The following CLUH variants were observed in gnomAD, a reference collection of about 807,000 sequenced individuals.
CLUH encodes the protein CLUH binding protein of NUMT mRNA.
CLUH carries 77 observed loss-of-function variants against 139.3 expected under a neutral mutation model. That is an observed-to-expected ratio of 0.55 (90% CI 0.46 to 0.67). The LOEUF is 0.67. CLUH is among the 30% of genes least tolerant of loss of function. The pLI is 0.00. For missense variants in CLUH, 1,876 were observed against 1,875.8 expected (o/e 1.00, Z 0.00); for synonymous variants, 999 against 801.6 (o/e 1.25, Z -4.16).
chr17:2,692,226 G>A, intron 22 of CLUH, 129 bp from the exon 23 acceptor site: 3 of 1,439,490 alleles, frequency 2.1e-6, no homozygotes, highest in Admixed American at 2.1e-5. Context: ...CAAGTCCAGG[G>A]CTCAGGGAAG....
Position 2,707,117 on chromosome 17 carries a change from G to A in CLUH, c.101-2553C>T. On this transcript the variant is annotated intron_variant, in intron 1 of 25. Transcript: ENST00000651024. This position sits in a 1 kb window ranked among gnomAD's most constrained non-coding sequence, Gnocchi z 7.4. The stretch of plus-strand genomic sequence containing the variant: ...GAAGGTCTCCCCACCCCTGGATGAA[G>A]GCTGAGCGATCTCCCCCGCAGGCAG... The A allele has an allele frequency of 1.1e-6, 1 of 951,714 alleles. No homozygotes were observed. The highest frequency in any genetic ancestry group is 1.3e-6 in the Non-Finnish European group (1 of 799,172). 59.0% of individuals were successfully genotyped at this position (951,714 alleles called of 1,614,324 possible). A position where few individuals can be genotyped will look rare whatever the true frequency, so the allele number is the denominator to read the frequency against.
chr17:2,709,853 T>A (rs1454012330), intron 1 of CLUH, among the ~76,000 whole-genome samples: 1 of 152,154 alleles, frequency 6.6e-6, no homozygotes, highest in Non-Finnish European at 1.5e-5. Context: ...CTAGCTGTAC[T>A]ACCTTCCCAG....
In CLUH at chr17:2,698,561, G is replaced by C. The variant is rs372695831; in HGVS notation, c.1296C>G (p.Thr432=). 8 of 1,608,576 alleles carry C rather than the reference G, an allele frequency of 5.0e-6. No homozygotes were observed. The East Asian group carries it at 1.8e-4, about 36-fold the overall frequency. ...CGTCAATGACGGCCATGGCGCCCCT[G>C]GTGGCTGCCGCGGTGAAGTCGCTGT... is the stretch of plus-strand genomic sequence containing the variant. ...KVHSDFTAAA[T]RGAMAVIDGN... is the part of the protein sequence containing the mutation. The change falls in exon 10 of 26, where the codon ACC becomes ACG. Residue 432 remains threonine, a synonymous_variant. Coordinates refer to ENST00000651024, the MANE Select transcript of CLUH (RefSeq NM_001366661.1).
chr17:2,696,585 T>C (rs370269687), intron 11 of CLUH, 47 bp from the exon 12 acceptor site: 16 of 1,533,658 alleles, frequency 1.0e-5, no homozygotes, highest in Admixed American at 1.9e-5. Context: ...CTGCCACCGG[T>C]GGAGCTGGGC....
At position 2,701,650 on chromosome 17, in the gene CLUH, G is replaced by A. The variant is rs1040801274; in HGVS notation, c.707C>T (p.Pro236Leu). The change falls in exon 5 of 26, where the codon CCA becomes CTA. Residue 236 changes from proline to leucine, a missense_variant. This residue lies in a region of CLUH where 270 missense variants were observed against 354.7 expected (regional missense o/e 0.76). Transcript: ENST00000651024. ...GTTTTGGGGCTGCAGGGGACACAGT[G>A]GCCGCTCCCGGCTCCCTGGCAGGAT... ...EYILPGSRERPLCPLQPQNRD... is the reference protein window; with the variant it reads ...EYILPGSRERLLCPLQPQNRD... The A allele has an allele frequency of 6.2e-7, 1 of 1,602,920 alleles. No homozygotes were observed. Among genetic ancestry groups the A allele is most frequent in the African/African-American group, 1.3e-5 (1 of 74,860 alleles).
At chr17:2,691,577 C>T (rs746640641) in intron 25 of CLUH, 32 bp downstream of exon 25, 16 of 1,601,800 alleles carry the variant, frequency 1.0e-5, no homozygotes, top group Middle Eastern at 1.7e-4. Flanking sequence ...AACCCCCAAC[C>T]GGGAGACACT....
intron 1 of CLUH, among the ~76,000 whole-genome samples, chr17:2,709,117 G>A (rs1012472475): frequency 3.3e-5 from 5 of 152,154 alleles, no homozygotes; most frequent in African/African-American, 4.8e-5. Flanking sequence ...AAAGGCGGCA[G>A]AGAGGAGGAA....
chr17:2,700,620 A>G, intron 8 of CLUH, 58 bp downstream of exon 8: 1 of 1,519,410 alleles, frequency 6.6e-7, no homozygotes, highest in Non-Finnish European at 8.8e-7. Context: ...GCACGGAACC[A>G]GCCCAGCACC....
intron 14 of CLUH, 38 bp from the exon 15 acceptor site, chr17:2,695,318 C>T (rs201588207): frequency 7.9e-4 from 1,276 of 1,613,482 alleles, no homozygotes; most frequent in Non-Finnish European, 9.8e-4. Flanking sequence ...GTCAGGCCCC[C>T]GGCCTCCATC....
rs12936063 is a variant in CLUH, at chr17:2,707,919, G to A, written c.101-3355C>T. 1.0e-6 allele frequency: 1 copy of A among 985,322 alleles called. No individual in the cohort carries two copies. Among genetic ancestry groups the A allele is most frequent in the African/African-American group, 1.7e-5 (1 of 57,250 alleles). The allele number at this position is 985,322 out of a possible 1,614,324, so 61.0% of individuals were successfully genotyped here. A position where few individuals can be genotyped will look rare whatever the true frequency, so the allele number is the denominator to read the frequency against. On this transcript the variant is annotated intron_variant, in intron 1 of 25. Transcript: ENST00000651024. This position sits in a 1 kb window ranked among gnomAD's most constrained non-coding sequence, Gnocchi z 7.4. ...GGGGATGGGCCCCCAGCTTCCCAGA[G>A]GACAACTGCACCCGTGCCCCTGGCC...
Position 2,692,392 on chromosome 17 carries a change from G to A in CLUH, c.3529C>T (p.His1177Tyr). The part of the protein sequence containing the change: ...ENALAVSTKY[H>Y]GPKALKVALS... ...GCCACCTTGAGGGCCTTGGGCCCGT[G>A]GTACTTGGTGCTGACGGCCAGCGCG... is the stretch of plus-strand genomic sequence containing the variant. The change falls in exon 22 of 26, where the codon CAC becomes TAC. Residue 1177 changes from histidine (H) to tyrosine (Y), a missense_variant. By Grantham distance (83) the His-to-Tyr change is moderately conservative (BLOSUM62 2). This residue lies in a region of CLUH where 1,454 missense variants were observed against 1,384.4 expected (regional missense o/e 1.05). Transcript: ENST00000651024. The A allele has an allele frequency of 6.3e-7, 1 of 1,594,550 alleles. No individual in the cohort carries two copies. The highest frequency in any genetic ancestry group is 8.5e-7 in the Non-Finnish European group (1 of 1,177,536).
In CLUH at chr17:2,700,807, G is replaced by T. The variant is rs746019720; in HGVS notation, c.1044C>A (p.Phe348Leu). ...LQKKRVQRHP[F>L]ERIATPFQVY... The stretch of plus-strand genomic sequence containing the variant: ...CCTGGAATGGGGTGGCGATCCTCTC[G>T]AACGGGTGGCGCTGGACCCTGTGGC... The change falls in exon 8 of 26, where the codon TTC becomes TTA. Residue 348 changes from phenylalanine (F) to leucine (L), a missense_variant. Coordinates refer to ENST00000651024, the MANE Select transcript of CLUH (RefSeq NM_001366661.1). The T allele has an allele frequency of 1.3e-6, 2 of 1,527,532 alleles. No individual in the cohort carries two copies. The highest frequency in any genetic ancestry group is 1.3e-5 in the South Asian group (1 of 76,054). The allele number at this position is 1,527,532 out of a possible 1,614,324, so 94.6% of individuals were successfully genotyped here.
At position 2,701,535 on chromosome 17, in the gene CLUH, G is replaced by A. The variant is rs560563494; in HGVS notation, c.745-15C>T. 36 of 1,613,562 alleles carry A rather than the reference G, an allele frequency of 2.2e-5. No individual in the cohort carries two copies. The highest frequency in any genetic ancestry group is 3.3e-4 in the Middle Eastern group (2 of 6,060). On this transcript the variant is annotated splice_polypyrimidine_tract_variant and intron_variant, in intron 5 of 25. Transcript: ENST00000651024. Reference sequence around the variant, plus strand: ...CACTGCAAGGGCTTCGGGAGCGGCCGAGTCTGAGGGGCCAGGCCTCTGGTG... The same window carrying A: ...CACTGCAAGGGCTTCGGGAGCGGCCAAGTCTGAGGGGCCAGGCCTCTGGTG...
chr17:2,701,485 T>C lies in CLUH; in HGVS notation c.780A>G (p.Gly260=), dbSNP rs373164091. The change falls in exon 6 of 26, where the codon GGA becomes GGG. Residue 260 remains glycine (G), a synonymous_variant. Coordinates refer to ENST00000651024, the MANE Select transcript of CLUH (RefSeq NM_001366661.1). ...LQCLKVLTMS[G]WNPPPGNRKM... ...TCCGGTTCCCCGGGGGCGGGTTCCATCCGCTCATGGTGAGTACTTTCAGGC... is the reference window on the plus strand; with the variant it reads ...TCCGGTTCCCCGGGGGCGGGTTCCACCCGCTCATGGTGAGTACTTTCAGGC... The C allele has an allele frequency of 5.0e-6, 8 of 1,613,888 alleles. No homozygotes were observed. The highest frequency in any genetic ancestry group is 6.8e-6 in the Non-Finnish European group (8 of 1,179,874).
rs769712260 is a variant in CLUH at position 2,701,251 on chromosome 17, T to C, written c.914A>G (p.His305Arg). ...GFYLNQSTAY[H>R]FNPKPASPRF... ...GGGGCTGGCGGGCTTGGGGTTGAAGTGATAAGCTGTGGACCTGCAGGGAGA... is the reference window on the plus strand; with the variant it reads ...GGGGCTGGCGGGCTTGGGGTTGAAGCGATAAGCTGTGGACCTGCAGGGAGA... Residue 305 changes from histidine to arginine, a missense_variant, in exon 7 of 26, where the codon CAC becomes CGC. Coordinates refer to ENST00000651024, the MANE Select transcript of CLUH (RefSeq NM_001366661.1). 6.2e-7 allele frequency: 1 copy of C among 1,612,242 alleles called. No homozygotes were observed. The highest frequency in any genetic ancestry group is 2.2e-5 in the East Asian group (1 of 44,814).
chr17:2,697,226 C>T (rs975998793), intron 10 of CLUH, among the ~76,000 whole-genome samples: 1 of 151,992 alleles, frequency 6.6e-6, no homozygotes, highest in Non-Finnish European at 1.5e-5. Context: ...GGAGAAACCC[C>T]GTCTCTACTA....
chr17:2,698,679 G>A (rs1382564311), intron 9 of CLUH, 89 bp from the exon 10 acceptor site: 3 of 1,232,852 alleles, frequency 2.4e-6, no homozygotes, highest in Non-Finnish European at 2.2e-6. Flanking sequence ...AGACCGCGGA[G>A]GCAACCGGGC....
At position 2,692,780 on chromosome 17, in the gene CLUH, G is replaced by A. The variant is rs1489513240; in HGVS notation, c.3312C>T (p.Tyr1104=). ...GGCGCGGGCGGCACTCGCGACTCAC[G>A]TATTCCTGGATGGTGTTGGGGTGCT... ...GTEHPNTIQE[Y]MHLALYCFAS... is the part of the protein sequence containing the mutation. Residue 1104 remains tyrosine (Y), a splice_region_variant and synonymous_variant, in exon 20 of 26, where the codon TAC becomes TAT. Transcript: ENST00000651024. 30 of 1,601,656 alleles carry A rather than the reference G, an allele frequency of 1.9e-5. No individual in the cohort carries two copies. The highest frequency in any genetic ancestry group is 2.4e-5 in the Non-Finnish European group (28 of 1,171,900).
intron 10 of CLUH, among the ~76,000 whole-genome samples, chr17:2,697,230 T>G (rs2069985480): frequency 6.6e-6 from 1 of 151,926 alleles, no homozygotes; most frequent in Non-Finnish European, 1.5e-5. Context: ...AAACCCCGTC[T>G]CTACTAAAAA....
Sources: gnomAD v4.1 joint callset for allele counts (sites outside exome capture counted in the v4.1 genomes callset) on GRCh38, gnomAD v4.1.1 for gene constraint, gnomAD v4.1.1 regional missense constraint, Gnocchi (gnomAD v3.1) non-coding constraint, MANE v1.5 for transcripts, NCBI Gene and HGNC (gene_info 2026-07-23, HGNC 2026-07-21) for gene names.